The following FRMD6 variants were observed in gnomAD, a reference collection of about 807,000 sequenced individuals.
FRMD6 encodes the protein FERM domain containing 6.
In FRMD6, 37 loss-of-function variants were observed where a neutral mutation model predicts 73.2. The observed-to-expected ratio is 0.51, with a 90% confidence interval of 0.39 to 0.66. The LOEUF (loss-of-function observed/expected upper bound fraction) is 0.66, where lower values mean the gene tolerates loss of function less well. Among genes scored for constraint, FRMD6 ranks in the 30% least tolerant of loss-of-function variants. The pLI is 0.00. For missense variants in FRMD6, 714 were observed against 780.5 expected, an observed-to-expected ratio of 0.91 and a Z score of 1.02; for synonymous variants, 273 against 282.2, an observed-to-expected ratio of 0.97 and a Z score of 0.33.
chr14:51,708,582 G>T (rs948214093), intron 7 of FRMD6, among the ~76,000 whole-genome samples: 14 of 152,008 alleles, frequency 9.2e-5, no homozygotes, highest in Non-Finnish European at 1.8e-4. Context: ...CAACTTCTTT[G>T]ATAAGTAATT....
the FRMD6 span, among the ~76,000 whole-genome samples, chr14:51,460,788 T>A: frequency 6.6e-6 from 1 of 152,326 alleles, no homozygotes; most frequent in East Asian, 1.9e-4. Flanking sequence ...TGTTGATTAG[T>A]GGTCTGTGAA....
At chr14:51,405,896 A>C in the FRMD6 span, among the ~76,000 whole-genome samples, 1 of 152,058 alleles carries the variant, frequency 6.6e-6, no homozygotes, top group East Asian at 1.9e-4. Context: ...TCTTTGTTAT[A>C]AAATCTCTGC....
chr14:51,582,776 ACTT>A (rs1459654336), intron 2 of FRMD6, among the ~76,000 whole-genome samples: 1 of 152,146 alleles, frequency 6.6e-6, no homozygotes, highest in Non-Finnish European at 1.5e-5. Flanking sequence ...CTTCTGGAGC[ACTT>A]CTTAAGGGAG....
intron 1 of FRMD6, among the ~76,000 whole-genome samples, chr14:51,559,200 C>T (rs1226403968): frequency 6.6e-6 from 1 of 152,230 alleles, no homozygotes; most frequent in Non-Finnish European, 1.5e-5. Context: ...AGAGAATATA[C>T]TAACTCTCAC....
At chr14:51,611,273 A>C (rs949680600) in intron 2 of FRMD6, among the ~76,000 whole-genome samples, 4 of 152,208 alleles carry the variant, frequency 2.6e-5, no homozygotes, top group Non-Finnish European at 5.9e-5. Context: ...ATTTTACCAG[A>C]ACTTCCCATA....
intron 2 of FRMD6, among the ~76,000 whole-genome samples, chr14:51,610,192 C>A (rs530642735): frequency 6.6e-6 from 1 of 152,084 alleles, no homozygotes; most frequent in East Asian, 1.9e-4. Context: ...CCAATGGACC[C>A]GGGGGTGGGG....
chr14:51,604,338 C>A (rs1387813901), intron 2 of FRMD6, among the ~76,000 whole-genome samples: 4 of 152,030 alleles, frequency 2.6e-5, no homozygotes, highest in Non-Finnish European at 5.9e-5. Context: ...TGGAAGGAAT[C>A]GCTTTGGAGT....
chr14:51,424,682 C>T, the FRMD6 span, among the ~76,000 whole-genome samples: 9 of 152,290 alleles, frequency 5.9e-5, no homozygotes, highest in East Asian at 1.7e-3. Context: ...TTGTTGTTGT[C>T]TGAAACAGCG....
At chr14:51,482,495 G>A in the FRMD6 span, among the ~76,000 whole-genome samples, 4 of 152,160 alleles carry the variant, frequency 2.6e-5, no homozygotes, top group Non-Finnish European at 5.9e-5. Context: ...CCAGAGAGTC[G>A]GCATTGTGCA....
chr14:51,497,364 G>A (rs1315199304), intron 1 of FRMD6, among the ~76,000 whole-genome samples: 1 of 151,050 alleles, frequency 6.6e-6, no homozygotes, highest in African/African-American at 2.4e-5. Flanking sequence ...ATATAAAACT[G>A]TTCTTCAATC....
At chr14:51,611,844 T>C (rs1336670144) in intron 2 of FRMD6, among the ~76,000 whole-genome samples, 3 of 152,198 alleles carry the variant, frequency 2.0e-5, no homozygotes, top group Admixed American at 1.3e-4. Flanking sequence ...GCTGATGGAC[T>C]ATTATGTAGC....
At chr14:51,513,225 A>G (rs1246721444) in intron 1 of FRMD6, among the ~76,000 whole-genome samples, 1 of 151,942 alleles carries the variant, frequency 6.6e-6, no homozygotes, top group East Asian at 1.9e-4. Context: ...ACAGTCCCCT[A>G]CCCCACTCCT....
At chr14:51,454,395 T>G in the FRMD6 span, 1 of 152,244 alleles carries the variant, frequency 6.6e-6, no homozygotes, top group Non-Finnish European at 1.5e-5. Flanking sequence ...GTGCATTTCC[T>G]TCTTGCCTTT....
chr14:51,722,231 C>G (rs45506100), intron 12 of FRMD6, 151 bp downstream of exon 12: 2 of 720,210 alleles, frequency 2.8e-6, no homozygotes, highest in Middle Eastern at 3.3e-4. Flanking sequence ...TTGTAAACTG[C>G]AGGATCCTGT....
At chr14:51,639,445 A>AAAT (rs1555329720) in intron 2 of FRMD6, among the ~76,000 whole-genome samples, 13 of 147,468 alleles carry the variant, frequency 8.8e-5, no homozygotes, top group Admixed American at 8.1e-4. Context: ...AAAAAAAAAA[A>AAAT]ATAATTATTA....
the FRMD6 span, among the ~76,000 whole-genome samples, chr14:51,428,269 T>G: frequency 6.6e-6 from 1 of 152,018 alleles, no homozygotes; most frequent in Non-Finnish European, 1.5e-5. Context: ...GTGCCCAGGC[T>G]GCCCCCCACC....
chr14:51,531,779 A>G (rs1566796726), intron 1 of FRMD6, among the ~76,000 whole-genome samples: 1 of 152,220 alleles, frequency 6.6e-6, no homozygotes, highest in Non-Finnish European at 1.5e-5. Flanking sequence ...TTACTCATTA[A>G]CATAAATGAA....
chr14:51,690,661 C>T (rs772588064), intron 2 of FRMD6, among the ~76,000 whole-genome samples: 5 of 152,202 alleles, frequency 3.3e-5, no homozygotes, highest in Non-Finnish European at 7.3e-5. Context: ...GGATTACAGG[C>T]GTGAGCCACC....
intron 1 of FRMD6, among the ~76,000 whole-genome samples, chr14:51,663,618 A>C (rs1893378485): frequency 6.6e-6 from 1 of 152,166 alleles, no homozygotes; most frequent in Non-Finnish European, 1.5e-5. Context: ...GGAGGTTGGG[A>C]GGAGGGAGAG....
Sources: gnomAD v4.1 joint callset for allele counts (sites outside exome capture counted in the v4.1 genomes callset) on GRCh38, gnomAD v4.1.1 for gene constraint, MANE v1.5 for transcripts, NCBI Gene and HGNC (gene_info 2026-07-23, HGNC 2026-07-21) for gene names.